Variants in ACAD9 observed in about 807,000 individuals in gnomAD.
ACAD9 encodes the protein acyl-CoA dehydrogenase family member 9.
In ACAD9, 53 loss-of-function variants were observed where a neutral mutation model predicts 70.2. The ratio of observed to expected loss-of-function variants is 0.75; its 90% CI spans 0.61 to 0.95. The LOEUF is 0.95. Among genes scored for constraint, ACAD9 ranks in the 40% least tolerant of loss-of-function variants. The pLI is 0.00. For synonymous variants in ACAD9, 313 were observed against 312.1 expected, an observed-to-expected ratio of 1.00 and a Z score of -0.03; for missense variants, 777 against 802.8, an observed-to-expected ratio of 0.97 and a Z score of 0.39.
intron 17 of ACAD9, among the ~76,000 whole-genome samples, 181 bp downstream of exon 17, chr3:128,910,994 G>A (rs1269638053): frequency 6.6e-6 from 1 of 152,208 alleles, no homozygotes; most frequent in African/African-American, 2.4e-5. Context: ...GGCACTGTAG[G>A]TGCATACCTG....
chr3:128,909,918 G>A (rs918560226), intron 15 of ACAD9, 103 bp from the exon 16 acceptor site: 4 of 1,523,112 alleles, frequency 2.6e-6, no homozygotes, highest in Non-Finnish European at 3.6e-6. Context: ...ACTTTCTCAA[G>A]GAACACAGGA....
rs1243790486 is a variant in ACAD9, at chr3:128,908,174, ACTG to A, written c.1279-10_1279-8del. ...GGGGGCAGCCTTTGACCTCTACACT[ACTG>A]ACCACAGGGAACCAATGAGATTCTC... On this transcript the variant is annotated splice_polypyrimidine_tract_variant and splice_region_variant and intron_variant, in intron 12 of 17. Transcript: ENST00000308982. 6.2e-7 allele frequency: 1 copy of A among 1,613,878 alleles called. No homozygotes were observed.
In ACAD9 at chr3:128,902,718, C is replaced by T; in HGVS notation, c.958+90C>T. ...GGCTCTGCCATTCCCCCGGCCCCTT[C>T]CAGGCCAGTGCTGAACCAGGCTACC... On this transcript the variant is annotated intron_variant, in intron 9 of 17. Coordinates refer to ENST00000308982, the MANE Select transcript of ACAD9 (RefSeq NM_014049.5). This position sits in a 1 kb window ranked among gnomAD's most constrained non-coding sequence, Gnocchi z 4.0. 1 of 1,421,272 alleles carries T rather than the reference C, an allele frequency of 7.0e-7. No homozygotes were observed. The highest frequency in any genetic ancestry group is 9.8e-7 in the Non-Finnish European group (1 of 1,024,406). 88.0% of individuals were successfully genotyped at this position (1,421,272 alleles called of 1,614,324 possible).
At chr3:128,896,899 G>A (rs1935584648) in intron 5 of ACAD9, among the ~76,000 whole-genome samples, 1 of 152,188 alleles carries the variant, frequency 6.6e-6, no homozygotes, top group Admixed American at 6.5e-5. Flanking sequence ...CAGTGAGGCT[G>A]TGTGATCTGC....
rs1386591401 is a variant in ACAD9, at chr3:128,906,219, G to T, written c.1248G>T (p.Leu416=). 1 of 1,614,180 alleles carries T rather than the reference G, an allele frequency of 6.2e-7. No individual in the cohort carries two copies. ...GGGACTATCCGTACGAGCGCATACT[G>T]CGTGACACCCGCATCCTCCTCATCT... ...YTRDYPYERI[L]RDTRILLIFE... The change falls in exon 12 of 18, where the codon CTG becomes CTT. Residue 416 remains leucine (L), a synonymous_variant. Coordinates refer to ENST00000308982, the MANE Select transcript of ACAD9 (RefSeq NM_014049.5).
intron 10 of ACAD9, 70 bp from the exon 11 acceptor site, chr3:128,904,316 C>T: frequency 6.2e-7 from 1 of 1,613,416 alleles, no homozygotes; most frequent in Non-Finnish European, 8.5e-7. Flanking sequence ...TAATTACTTT[C>T]TCTCCTGTTT....
intron 1 of ACAD9, among the ~76,000 whole-genome samples, chr3:128,882,730 G>C (rs1935129090): frequency 6.6e-6 from 1 of 152,150 alleles, no homozygotes; most frequent in Non-Finnish European, 1.5e-5. Flanking sequence ...TACATATTTG[G>C]TTTCTGCACT....
chr3:128,893,406 G>A, intron 2 of ACAD9, 149 bp from the exon 3 acceptor site: 5 of 653,148 alleles, frequency 7.7e-6, no homozygotes, highest in Non-Finnish European at 7.9e-6. Flanking sequence ...ATTGAACACA[G>A]GCCAAATGAC....
At chr3:128,910,250 G>A (rs746987619) in intron 16 of ACAD9, 101 bp downstream of exon 16, 4 of 1,572,876 alleles carry the variant, frequency 2.5e-6, no homozygotes, top group Non-Finnish European at 3.4e-6. Context: ...GGGTGTGGGG[G>A]AGGCTGTGCA....
intron 1 of ACAD9, among the ~76,000 whole-genome samples, chr3:128,881,223 C>A (rs1935083020): frequency 6.6e-6 from 1 of 152,218 alleles, no homozygotes; most frequent in East Asian, 1.9e-4. Flanking sequence ...CAGTGTGGTG[C>A]TCTATCCTGG....
rs113551006 is a variant in ACAD9 at position 128,912,829 on chromosome 3, G to C, written c.*222G>C. On this transcript the variant is annotated 3_prime_UTR_variant, in exon 18 of 18. Transcript: ENST00000308982. ...ACCATCACAGCTTCTGAACTGAGCCGGAGAGAGAGAATGGAATTGCTGACC... is the reference window on the plus strand; with the variant it reads ...ACCATCACAGCTTCTGAACTGAGCCCGAGAGAGAGAATGGAATTGCTGACC... 1.4e-6 allele frequency: 1 copy of C among 695,082 alleles called. No individual in the cohort carries two copies. Among genetic ancestry groups the C allele is most frequent in the Non-Finnish European group, 2.7e-6 (1 of 373,582 alleles). The allele number at this position is 695,082 out of a possible 1,614,324, so 43.1% of individuals were successfully genotyped here.
chr3:128,888,566 G>A (rs1410628161), intron 2 of ACAD9, among the ~76,000 whole-genome samples: 1 of 152,002 alleles, frequency 6.6e-6, no homozygotes, highest in Non-Finnish European at 1.5e-5. Context: ...GTGACAGAGT[G>A]AGACTCCATC....
At chr3:128,891,016 A>AT (rs34307725) in intron 2 of ACAD9, among the ~76,000 whole-genome samples, 36 of 151,492 alleles carry the variant, frequency 2.4e-4, no homozygotes, top group Non-Finnish European at 3.8e-4. Context: ...TAATTTTTAT[A>AT]TTTTTTTAGT....
At position 128,893,788 on chromosome 3, in the gene ACAD9, G is replaced by A; in HGVS notation, c.346+132G>A. 1.1e-5 allele frequency: 8 copies of A among 760,878 alleles called. No individual in the cohort carries two copies. In the South Asian group the frequency reaches 1.2e-4, roughly 11 times the overall value. The allele number at this position is 760,878 out of a possible 1,614,324, so 47.1% of individuals were successfully genotyped here. ...GCTACTTGGTAGGGGTGGACTGACT[G>A]AAGGACCTGTAGGGAGGAAGTGTTC... is the stretch of plus-strand genomic sequence containing the variant. On this transcript the variant is annotated intron_variant, in intron 3 of 17. Transcript: ENST00000308982.
chr3:128,893,440 T>A, intron 2 of ACAD9, 115 bp from the exon 3 acceptor site: 1 of 863,602 alleles, frequency 1.2e-6, no homozygotes, highest in South Asian at 1.6e-5. Flanking sequence ...TTTCTAGTTT[T>A]GAAAAAGTTT....
chr3:128,910,931 G>A (rs1936227184), intron 17 of ACAD9, 118 bp downstream of exon 17: 2 of 1,279,752 alleles, frequency 1.6e-6, no homozygotes, highest in South Asian at 2.4e-5. Flanking sequence ...ACAGACCTCT[G>A]CCTTGAGCGA....
At chr3:128,899,562 G>A (rs1935678804) in intron 7 of ACAD9, 101 bp downstream of exon 7, 1 of 1,257,430 alleles carries the variant, frequency 8.0e-7, no homozygotes, top group Non-Finnish European at 1.1e-6. Context: ...GTGTGTGTGT[G>A]TAAGGGGGAG....
At chr3:128,910,233 T>C in intron 16 of ACAD9, 84 bp downstream of exon 16, 1 of 1,592,182 alleles carries the variant, frequency 6.3e-7, no homozygotes, top group South Asian at 1.1e-5. Flanking sequence ...TTGAGGAGGG[T>C]GTGGTCGGGT....
chr3:128,884,524 C>T, intron 1 of ACAD9, 129 bp from the exon 2 acceptor site: 2 of 686,728 alleles, frequency 2.9e-6, no homozygotes, highest in Middle Eastern at 4.0e-4. Flanking sequence ...TTTCCAGTTC[C>T]TTCAGTACGT....
Sources: allele counts gnomAD v4.1 joint callset (sites outside exome capture counted in the v4.1 genomes callset), GRCh38; gene constraint gnomAD v4.1.1; non-coding constraint Gnocchi (gnomAD v3.1); transcripts MANE v1.5; gene names NCBI Gene and HGNC (gene_info 2026-07-23, HGNC 2026-07-21).